The following MDGA2 variants were observed in gnomAD, a reference collection of about 807,000 sequenced individuals.
The protein encoded by MDGA2 is MAM domain-containing glycosylphosphatidylinositol anchor protein 2.
Under a neutral mutation model 117.8 loss-of-function variants are expected in MDGA2, and 40 were observed. The observed-to-expected ratio is 0.34, with a 90% CI of 0.26 to 0.44. MDGA2 has a LOEUF of 0.44. MDGA2 is among the 20% of genes least tolerant of loss of function. The pLI is 1.00. For synonymous variants in MDGA2, 452 were observed against 439.0 expected, an observed-to-expected ratio of 1.03 and a Z score of -0.37; for missense variants, 1,123 against 1,250.6, an observed-to-expected ratio of 0.90 and a Z score of 1.54.
chr14:47,489,254 T>C (rs1894119499), intron 1 of MDGA2, among the ~76,000 whole-genome samples: 1 of 152,070 alleles, frequency 6.6e-6, no homozygotes, highest in Admixed American at 6.6e-5. Context: ...CTCAAACACA[T>C]TTTAAATGTT....
At position 47,085,159 on chromosome 14, in the gene MDGA2, A is replaced by AC. The variant is rs201031211; in HGVS notation, c.1195+11694dup. ...AGTCTTGCGATACAGTTAATAGTATACCTAAAGGAACATTTACAGTCTTAA... is the reference window on the plus strand; with the variant it reads ...AGTCTTGCGATACAGTTAATAGTATACCCTAAAGGAACATTTACAGTCTTAA... On this transcript the variant is annotated intron_variant, in intron 6 of 16. Coordinates refer to ENST00000399232, the MANE Select transcript of MDGA2 (RefSeq NM_001113498.3). Among the ~76,000 whole-genome samples the AC allele has an allele frequency of 4.8e-3, 734 of 152,278 alleles. 12 individuals carry two copies. The highest frequency in any genetic ancestry group is 0.017 in the African/African-American group (699 of 41,566).
At chr14:47,360,706 G>A (rs1891101444) in intron 1 of MDGA2, among the ~76,000 whole-genome samples, 1 of 152,094 alleles carries the variant, frequency 6.6e-6, no homozygotes, top group Admixed American at 6.6e-5. Context: ...ATTTGACCCA[G>A]CAATCCCTCT....
intron 6 of MDGA2, among the ~76,000 whole-genome samples, chr14:47,092,091 G>T (rs2899994): frequency 1.3e-5 from 2 of 151,964 alleles, no homozygotes; most frequent in South Asian, 2.1e-4. Context: ...TCTAAAAGAG[G>T]GGCTACAGTG....
chr14:46,909,578 T>C (rs1482817520), intron 10 of MDGA2, among the ~76,000 whole-genome samples: 1 of 152,110 alleles, frequency 6.6e-6, no homozygotes, highest in Non-Finnish European at 1.5e-5. Context: ...CTGAGTTCAC[T>C]AACATTAATG....
chr14:47,002,006 G>T (rs1887547200), intron 8 of MDGA2, among the ~76,000 whole-genome samples: 1 of 152,100 alleles, frequency 6.6e-6, no homozygotes, highest in Non-Finnish European at 1.5e-5. Context: ...AAAATATATT[G>T]TATCTGTTAT....
chr14:47,628,340 A>C (rs1897189669), intron 1 of MDGA2, among the ~76,000 whole-genome samples: 1 of 152,192 alleles, frequency 6.6e-6, no homozygotes, highest in Non-Finnish European at 1.5e-5. Context: ...TACATCCTCC[A>C]TAAGTTCCAT....
chr14:46,936,036 A>T lies in MDGA2; in HGVS notation c.2090-15876T>A, dbSNP rs562865343. On this transcript the variant is annotated intron_variant, in intron 9 of 16. Transcript: ENST00000399232. ...TAAATAATAATAATTGGGATTGTAG[A>T]TCCTATTTATATAAATACAGTCATA... 1.2e-3 allele frequency among the ~76,000 whole-genome samples: 179 copies of T among 152,194 alleles called. 1 individual carries two copies. The highest frequency in any genetic ancestry group is 4.1e-3 in the African/African-American group (172 of 41,532).
In MDGA2 at chr14:47,072,978, C is replaced by T. The variant is rs376174148; in HGVS notation, c.1196-11400G>A. ...AGTATCAATAACAAAAGAGTCTAAC[C>T]TGATCTCACATAGATTAACATGGAA... On this transcript the variant is annotated intron_variant, in intron 6 of 16. Transcript: ENST00000399232. 9.9e-5 allele frequency among the ~76,000 whole-genome samples: 15 copies of T among 152,264 alleles called. No homozygotes were observed. The South Asian group carries it at 3.1e-3, about 32-fold the overall frequency.
chr14:46,926,701 G>C (rs1368157761), intron 9 of MDGA2, among the ~76,000 whole-genome samples: 1 of 151,912 alleles, frequency 6.6e-6, no homozygotes, highest in Non-Finnish European at 1.5e-5. Flanking sequence ...AAAGAAGAGA[G>C]AAAAAAATGT....
intron 1 of MDGA2, among the ~76,000 whole-genome samples, chr14:47,394,921 G>T (rs1891974006): frequency 6.6e-6 from 1 of 152,184 alleles, no homozygotes; most frequent in Non-Finnish European, 1.5e-5. Flanking sequence ...GGGAGGCTGA[G>T]GTGGGAAGAT....
intron 8 of MDGA2, among the ~76,000 whole-genome samples, chr14:47,013,772 G>GTATGTATATATA (rs1555343312): frequency 1.2e-4 from 11 of 93,694 alleles, no homozygotes; most frequent in Non-Finnish European, 2.0e-4. Context: ...TAATTTCCTT[G>GTATGTATATATA]TATATATATA....
At chr14:47,404,358 G>T (rs1892217675) in intron 1 of MDGA2, among the ~76,000 whole-genome samples, 1 of 151,754 alleles carries the variant, frequency 6.6e-6, no homozygotes, top group African/African-American at 2.4e-5. Flanking sequence ...GCTGATTTTT[G>T]TATTTTTAGT....
intron 9 of MDGA2, among the ~76,000 whole-genome samples, chr14:46,937,257 G>C (rs957101983): frequency 1.0e-5 from 1 of 98,986 alleles, no homozygotes; most frequent in Non-Finnish European, 2.0e-5. Flanking sequence ...AACAAAGGAA[G>C]TAAAAGATCT....
Position 46,885,390 on chromosome 14 carries a change from A to C in MDGA2, c.2239-3169T>G, listed in dbSNP as rs192692497. ...AACTCATTTTGATAACAAGGAAAAG[A>C]ATTCAGTAGCAAATTGAGCCAAATA... On this transcript the variant is annotated intron_variant, in intron 10 of 16. Coordinates refer to ENST00000399232, the MANE Select transcript of MDGA2 (RefSeq NM_001113498.3). 5.3e-4 allele frequency among the ~76,000 whole-genome samples: 80 copies of C among 152,300 alleles called. 1 individual carries two copies. The highest frequency in any genetic ancestry group is 3.9e-3 in the Admixed American group (59 of 15,282).
chr14:46,840,220 TTTG>T lies in MDGA2; in HGVS notation c.*1708_*1710del, dbSNP rs1260159808. ...CAAGCTTTGTCATTTTCCACTACATTTTGTTGTGCTTTTATATTAATATTTGCA... is the reference window on the plus strand; with the variant it reads ...CAAGCTTTGTCATTTTCCACTACATTTTGTGCTTTTATATTAATATTTGCA... On this transcript the variant is annotated 3_prime_UTR_variant, in exon 17 of 17. Coordinates refer to ENST00000399232, the MANE Select transcript of MDGA2 (RefSeq NM_001113498.3). The T allele has an allele frequency of 6.6e-6, 1 of 152,482 alleles. No individual in the cohort carries two copies. Among genetic ancestry groups the T allele is most frequent in the Non-Finnish European group, 1.5e-5 (1 of 67,946 alleles). The allele number at this position is 152,482 out of a possible 1,614,324, so 9.4% of individuals were successfully genotyped here. A position where few individuals can be genotyped will look rare whatever the true frequency, so the allele number is the denominator to read the frequency against.
intron 3 of MDGA2, among the ~76,000 whole-genome samples, chr14:47,202,246 A>T (rs1363263150): frequency 6.6e-6 from 1 of 152,194 alleles, no homozygotes; most frequent in Admixed American, 6.5e-5. Flanking sequence ...AGTTGTGATG[A>T]TTAGATAATA....
At position 47,073,180 on chromosome 14, in the gene MDGA2, T is replaced by C. The variant is rs568563427; in HGVS notation, c.1196-11602A>G. ...GTATTAAGAATGTAACCAACTATCA[T>C]GAGGGAATATCTAAATACCTGATAT... On this transcript the variant is annotated intron_variant, in intron 6 of 16. Transcript: ENST00000399232. Among the ~76,000 whole-genome samples, 4 of 152,318 alleles carry C rather than the reference T, an allele frequency of 2.6e-5. No homozygotes were observed. In the South Asian group the frequency reaches 8.3e-4, roughly 32 times the overall value.
intron 2 of MDGA2, among the ~76,000 whole-genome samples, chr14:47,225,920 A>G (rs1188081926): frequency 6.6e-6 from 1 of 152,092 alleles, no homozygotes; most frequent in East Asian, 1.9e-4. Flanking sequence ...TACCACCACC[A>G]CTACTACTAC....
At chr14:47,351,550 T>C (rs559108097) in intron 1 of MDGA2, among the ~76,000 whole-genome samples, 1 of 152,340 alleles carries the variant, frequency 6.6e-6, no homozygotes, top group Admixed American at 6.5e-5. Flanking sequence ...AATAAGCACT[T>C]GCTAAATGAG....
Sources: gnomAD v4.1 joint callset for allele counts (sites outside exome capture counted in the v4.1 genomes callset) on GRCh38, gnomAD v4.1.1 for gene constraint, MANE v1.5 for transcripts, NCBI Gene and HGNC (gene_info 2026-07-23, HGNC 2026-07-21) for gene names.